Variants in TSPAN12 observed in about 807,000 individuals in gnomAD.
The protein encoded by TSPAN12 is tetraspanin 12.
TSPAN12 carries 19 observed loss-of-function variants against 39.2 expected under a neutral mutation model. That is an observed-to-expected ratio of 0.49 (90% confidence interval 0.34 to 0.71). The LOEUF (loss-of-function observed/expected upper bound fraction) is 0.71. TSPAN12 is among the 30% of genes least tolerant of loss of function. The pLI is 0.01. For missense variants in TSPAN12, 314 were observed against 359.9 expected (o/e 0.87, Z 1.03); for synonymous variants, 119 against 124.8 (o/e 0.95, Z 0.31).
intron 4 of TSPAN12, among the ~76,000 whole-genome samples, chr7:120,838,403 T>C (rs536992508): frequency 3.9e-5 from 6 of 152,280 alleles, no homozygotes; most frequent in Admixed American, 2.6e-4. Flanking sequence ...TGAATTTCCA[T>C]AGGAGCTTAC....
rs769579145 is a variant in TSPAN12, at chr7:120,840,149, C to T, written c.67-40G>A. On this transcript the variant is annotated intron_variant, in intron 2 of 7. Transcript: ENST00000222747. The stretch of plus-strand genomic sequence containing the variant: ...GTACAAACCGGTTACCAAAGATTTA[C>T]GTAACATTCACTGCAGGATTAATAA... The T allele has an allele frequency of 9.8e-6, 14 of 1,421,736 alleles. 1 individual carries two copies. Among genetic ancestry groups the T allele is most frequent in the South Asian group, 3.4e-5 (3 of 87,118 alleles). 88.1% of individuals were successfully genotyped at this position (1,421,736 alleles called of 1,614,324 possible). A position where few individuals can be genotyped will look rare whatever the true frequency, so the allele number is the denominator to read the frequency against.
intron 2 of TSPAN12, among the ~76,000 whole-genome samples, chr7:120,845,500 C>T (rs1032328491): frequency 1.3e-5 from 2 of 152,174 alleles, no homozygotes; most frequent in Non-Finnish European, 2.9e-5. Context: ...TATGACCATA[C>T]ATTTTAGAAT....
rs970448737 is a variant in TSPAN12 at position 120,793,374 on chromosome 7, C to A, written c.613-4477G>T. Among the ~76,000 whole-genome samples, 5 of 152,208 alleles carry A rather than the reference C, an allele frequency of 3.3e-5. 1 individual carries two copies. Among genetic ancestry groups the A allele is most frequent in the Admixed American group, 2.0e-4 (3 of 15,284 alleles). ...ATGTAGACATGCAATTGTATTGACA[C>A]ATCACATAGTTGGGACTTGGTGTCC... On this transcript the variant is annotated intron_variant, in intron 7 of 7. Coordinates refer to ENST00000222747, the MANE Select transcript of TSPAN12 (RefSeq NM_012338.4).
Position 120,801,893 on chromosome 7 carries a change from G to GA in TSPAN12, c.612+4655dup, listed in dbSNP as rs780879343. Among the ~76,000 whole-genome samples, 10 of 151,700 alleles carry GA rather than the reference G, an allele frequency of 6.6e-5. No homozygotes were observed. The East Asian group carries it at 9.7e-4, about 15-fold the overall frequency. Reference sequence around the variant, plus strand: ...GGAAAGCTATGGCTCTTATTTCCTGGAAAAAAAATGGATATAAAATATTGA... The same window carrying GA: ...GGAAAGCTATGGCTCTTATTTCCTGGAAAAAAAAATGGATATAAAATATTGA... On this transcript the variant is annotated intron_variant, in intron 7 of 7. Transcript: ENST00000222747.
intron 4 of TSPAN12, 24 bp from the exon 5 acceptor site, chr7:120,815,827 C>T (rs746298527): frequency 1.3e-6 from 2 of 1,596,032 alleles, no homozygotes; most frequent in Non-Finnish European, 1.7e-6. Flanking sequence ...GAAAAGTATG[C>T]TGTTATAGTA....
At position 120,788,670 on chromosome 7, in the gene TSPAN12, T is replaced by G; in HGVS notation, c.840A>C (p.Lys280Asn). The part of the protein sequence containing the change: ...HLSCPSVELL[K>N]PSLSRIFEHT... ...GTTCAAAGATTCTTGACAGGCTTGG[T>G]TTCAACAGTTCTACTGAGGGACATG... The change falls in exon 8 of 8, where the codon AAA becomes AAC. Residue 280 changes from lysine (K) to asparagine (N), a missense_variant. Physicochemically the swap from Lys to Asn is moderately conservative, Grantham distance 94. Transcript: ENST00000222747. 6.2e-7 allele frequency: 1 copy of G among 1,614,096 alleles called. No individual in the cohort carries two copies. The highest frequency in any genetic ancestry group is 8.5e-7 in the Non-Finnish European group (1 of 1,180,000).
chr7:120,799,660 TA>T (rs943563143), intron 7 of TSPAN12, among the ~76,000 whole-genome samples: 34 of 122,796 alleles, frequency 2.8e-4, no homozygotes, highest in African/African-American at 8.2e-4. Context: ...ATTAAATATA[TA>T]AAAATATATA....
In TSPAN12 at chr7:120,815,757, C is replaced by T; in HGVS notation, c.332G>A (p.Gly111Asp). The T allele has an allele frequency of 6.2e-7, 1 of 1,612,990 alleles. No individual in the cohort carries two copies. Among genetic ancestry groups the T allele is most frequent in the Non-Finnish European group, 8.5e-7 (1 of 1,179,582 alleles). Reference sequence around the variant, plus strand: ...AAGTTCCTGTTCATATGTCCAAACGCCACAAGCCAGTTCTACACAGAAAAT... The same window carrying T: ...AAGTTCCTGTTCATATGTCCAAACGTCACAAGCCAGTTCTACACAGAAAAT... ...LVIFCVELAC[G>D]VWTYEQELMV... Residue 111 changes from glycine to aspartate, a missense_variant, in exon 5 of 8, where the codon GGC becomes GAC. Gly to Asp is a moderately conservative substitution (Grantham distance 94). Coordinates refer to ENST00000222747, the MANE Select transcript of TSPAN12 (RefSeq NM_012338.4).
At chr7:120,828,340 C>T (rs1269334166) in intron 4 of TSPAN12, among the ~76,000 whole-genome samples, 1 of 152,162 alleles carries the variant, frequency 6.6e-6, no homozygotes. Flanking sequence ...CTTCAGATCA[C>T]AGAGTATGCA....
chr7:120,844,242 C>T (rs779981724), intron 2 of TSPAN12, among the ~76,000 whole-genome samples: 1 of 152,164 alleles, frequency 6.6e-6, no homozygotes, highest in African/African-American at 2.4e-5. Context: ...GATCACAATT[C>T]GACATGAGAT....
intron 7 of TSPAN12, among the ~76,000 whole-genome samples, chr7:120,789,754 G>A (rs1793483551): frequency 2.0e-5 from 3 of 152,156 alleles, no homozygotes; most frequent in Non-Finnish European, 4.4e-5. Flanking sequence ...AGAACTGCCT[G>A]AAAAATTGAG....
At chr7:120,811,383 T>C (rs1793977504) in intron 5 of TSPAN12, among the ~76,000 whole-genome samples, 2 of 152,076 alleles carry the variant, frequency 1.3e-5, no homozygotes, top group African/African-American at 4.8e-5. Flanking sequence ...AAAATGTATA[T>C]ATCAGCTGGG....
rs905693826 is a variant in TSPAN12, at chr7:120,806,631, G to A, written c.530C>T (p.Pro177Leu). 1.9e-6 allele frequency: 3 copies of A among 1,613,218 alleles called. No individual in the cohort carries two copies. In the African/African-American group the frequency reaches 4.0e-5, roughly 22 times the overall value. ...DWLEMTEMDW[P>L]PDSCCVREFP... The stretch of plus-strand genomic sequence containing the variant: ...TTCTCTAACACAGCAGGAATCTGGG[G>A]GCCAGTCCATCTCTGTCATTTCCAA... The change falls in exon 7 of 8, where the codon CCC becomes CTC. Residue 177 changes from proline to leucine, a missense_variant. Pro to Leu is a moderately conservative substitution (Grantham distance 98, BLOSUM62 -3). Transcript: ENST00000222747.
chr7:120,800,343 G>A (rs560052070), intron 7 of TSPAN12, among the ~76,000 whole-genome samples: 42 of 152,182 alleles, frequency 2.8e-4, no homozygotes, highest in African/African-American at 9.4e-4. Context: ...GAACCTTGAC[G>A]TTTGGACTTG....
At position 120,788,367 on chromosome 7, in the gene TSPAN12, A is replaced by G; in HGVS notation, c.*225T>C. On this transcript the variant is annotated 3_prime_UTR_variant, in exon 8 of 8. Coordinates refer to ENST00000222747, the MANE Select transcript of TSPAN12 (RefSeq NM_012338.4). The stretch of plus-strand genomic sequence containing the variant: ...GTCATACACAGGCTACACAGTGGGT[A>G]TGACATCTGTCTTCAGCATTTTAAG... 1.8e-6 allele frequency: 1 copy of G among 562,570 alleles called. No individual in the cohort carries two copies. Among genetic ancestry groups the G allele is most frequent in the Non-Finnish European group, 3.2e-6 (1 of 317,302 alleles). 34.8% of individuals were successfully genotyped at this position (562,570 alleles called of 1,614,324 possible).
chr7:120,846,235 C>T (rs895854326), intron 2 of TSPAN12, among the ~76,000 whole-genome samples: 2 of 152,216 alleles, frequency 1.3e-5, no homozygotes, highest in Non-Finnish European at 2.9e-5. Context: ...TCTCAGCCAA[C>T]ATTCAACATG....
In TSPAN12 at chr7:120,788,486, A is replaced by C. The variant is rs2116272005; in HGVS notation, c.*106T>G. ...ATAGTATATGCTTAGGTGTTATTTT[A>C]TGGCAACATTTTTATTTCTACATAT... On this transcript the variant is annotated 3_prime_UTR_variant, in exon 8 of 8. Coordinates refer to ENST00000222747, the MANE Select transcript of TSPAN12 (RefSeq NM_012338.4). 7.1e-7 allele frequency: 1 copy of C among 1,402,776 alleles called. No individual in the cohort carries two copies. Among genetic ancestry groups the C allele is most frequent in the South Asian group, 1.2e-5 (1 of 83,164 alleles). The allele number at this position is 1,402,776 out of a possible 1,614,324, so 86.9% of individuals were successfully genotyped here. A position where few individuals can be genotyped will look rare whatever the true frequency, so the allele number is the denominator to read the frequency against.
rs1793440341 is a variant in TSPAN12 at position 120,787,936 on chromosome 7, T to C, written c.*656A>G. 6.5e-6 allele frequency: 1 copy of C among 153,172 alleles called. No individual in the cohort carries two copies. Among genetic ancestry groups the C allele is most frequent in the Admixed American group, 6.5e-5 (1 of 15,318 alleles). The allele number at this position is 153,172 out of a possible 1,614,324, so 9.5% of individuals were successfully genotyped here. A position where few individuals can be genotyped will look rare whatever the true frequency, so the allele number is the denominator to read the frequency against. On this transcript the variant is annotated 3_prime_UTR_variant, in exon 8 of 8. Coordinates refer to ENST00000222747, the MANE Select transcript of TSPAN12 (RefSeq NM_012338.4). ...GGACAAATTTTCCTTTTCATAATGGTTATTCTTAACATTATCAGAACTGAA... is the reference window on the plus strand; with the variant it reads ...GGACAAATTTTCCTTTTCATAATGGCTATTCTTAACATTATCAGAACTGAA...
At chr7:120,842,785 A>C (rs895906818) in intron 2 of TSPAN12, among the ~76,000 whole-genome samples, 1 of 152,002 alleles carries the variant, frequency 6.6e-6, no homozygotes, top group African/African-American at 2.4e-5. Context: ...ATTTCGATAT[A>C]ATTAATTTCC....
Sources: allele counts gnomAD v4.1 joint callset (sites outside exome capture counted in the v4.1 genomes callset), GRCh38; gene constraint gnomAD v4.1.1; transcripts MANE v1.5; gene names NCBI Gene and HGNC (gene_info 2026-07-23, HGNC 2026-07-21).